The following PLCB1 variants were observed in gnomAD, a reference collection of about 807,000 sequenced individuals.
PLCB1 encodes phospholipase C beta 1.
PLCB1 carries 46 observed loss-of-function variants against 161.8 expected under a neutral mutation model. The observed-to-expected ratio is 0.28, with a 90% CI of 0.22 to 0.36. The LOEUF is 0.36. Among genes scored for constraint, PLCB1 ranks in the 10% least tolerant of loss-of-function variants. The probability of loss-of-function intolerance (pLI) is 1.00; values close to 1 mark genes in which losing one functional copy is unlikely to be tolerated. For synonymous variants in PLCB1, 517 were observed against 503.7 expected (o/e 1.03, Z -0.35); for missense variants, 1,016 against 1,472.5 (o/e 0.69, Z 5.07).
At chr20:8,396,771 C>CAT (rs1455631420) in intron 3 of PLCB1, among the ~76,000 whole-genome samples, 4 of 152,010 alleles carry the variant, frequency 2.6e-5, no homozygotes, top group Non-Finnish European at 4.4e-5. Context: ...TATATATTTG[C>CAT]ATACGTAACA....
chr20:8,398,769 T>A (rs576262907), intron 3 of PLCB1, among the ~76,000 whole-genome samples: 3 of 152,066 alleles, frequency 2.0e-5, no homozygotes, highest in Non-Finnish European at 4.4e-5. Flanking sequence ...ATTTGCACTT[T>A]TTTTTTTTCA....
At chr20:8,417,769 T>G (rs1354001993) in intron 3 of PLCB1, among the ~76,000 whole-genome samples, 1 of 152,234 alleles carries the variant, frequency 6.6e-6, no homozygotes. Flanking sequence ...GCAGAGAATC[T>G]TTAGAGAGAA....
At chr20:8,366,180 GT>G (rs1986706188) in intron 2 of PLCB1, among the ~76,000 whole-genome samples, 4 of 151,982 alleles carry the variant, frequency 2.6e-5, no homozygotes, top group Admixed American at 2.6e-4. Flanking sequence ...CAATACCTCA[GT>G]TTGTTTAAGA....
At chr20:8,133,560 G>A (rs950341740) in intron 1 of PLCB1, among the ~76,000 whole-genome samples, 7 of 152,264 alleles carry the variant, frequency 4.6e-5, no homozygotes, top group East Asian at 3.9e-4. Flanking sequence ...AATGCTTTAC[G>A]AGCGGCCCAG....
At chr20:8,352,423 G>T (rs1455893777) in intron 2 of PLCB1, among the ~76,000 whole-genome samples, 1 of 151,998 alleles carries the variant, frequency 6.6e-6, no homozygotes, top group East Asian at 1.9e-4. Flanking sequence ...CACGTATGAG[G>T]TACTATGCAT....
At chr20:8,458,145 T>C (rs540598788) in intron 3 of PLCB1, among the ~76,000 whole-genome samples, 1 of 152,266 alleles carries the variant, frequency 6.6e-6, no homozygotes, top group Non-Finnish European at 1.5e-5. Context: ...CTTCCTCCGG[T>C]TGATTCTGAG....
intron 2 of PLCB1, among the ~76,000 whole-genome samples, chr20:8,183,999 AT>A (rs964470902): frequency 3.9e-5 from 6 of 152,086 alleles, no homozygotes; most frequent in Non-Finnish European, 5.9e-5. Flanking sequence ...GATTTTCAAT[AT>A]GTTTTTGGGG....
intron 31 of PLCB1, among the ~76,000 whole-genome samples, chr20:8,873,507 G>A (rs1987675975): frequency 1.3e-5 from 2 of 151,786 alleles, no homozygotes; most frequent in Non-Finnish European, 2.9e-5. Flanking sequence ...ATTAGATTTT[G>A]TTTTCATTTT....
intron 31 of PLCB1, among the ~76,000 whole-genome samples, chr20:8,881,340 T>A (rs1987976011): frequency 6.7e-6 from 1 of 148,580 alleles, no homozygotes; most frequent in African/African-American, 2.5e-5. Context: ...TGTGTGTGTG[T>A]GTGTGTGTGT....
At chr20:8,511,148 A>G (rs1475140595) in intron 3 of PLCB1, among the ~76,000 whole-genome samples, 1 of 152,214 alleles carries the variant, frequency 6.6e-6, no homozygotes, top group Admixed American at 6.5e-5. Context: ...AGCCTCTGGT[A>G]ACCACCATTC....
At chr20:8,236,446 T>C (rs1980330597) in intron 2 of PLCB1, among the ~76,000 whole-genome samples, 1 of 152,012 alleles carries the variant, frequency 6.6e-6, no homozygotes, top group African/African-American at 2.4e-5. Context: ...GGCGGGAGGA[T>C]CGCTTGAGCC....
chr20:8,611,918 C>T (rs140250051), intron 3 of PLCB1, among the ~76,000 whole-genome samples: 1,525 of 152,212 alleles, frequency 0.01, 9 homozygotes, highest in Non-Finnish European at 0.017. Flanking sequence ...TGTACTCCAG[C>T]TTGGATGATG....
chr20:8,798,442 C>T (rs552495144), intron 31 of PLCB1, among the ~76,000 whole-genome samples: 1 of 152,114 alleles, frequency 6.6e-6, no homozygotes, highest in Non-Finnish European at 1.5e-5. Context: ...CTATCTGCCC[C>T]GTTCTCAATG....
At chr20:8,380,176 T>TGCACATGGCTAGCCAGTTTTCC (rs1987215790) in intron 3 of PLCB1, among the ~76,000 whole-genome samples, 1 of 152,236 alleles carries the variant, frequency 6.6e-6, no homozygotes, top group Non-Finnish European at 1.5e-5. Flanking sequence ...TTCAGTTTCC[T>TGCACATGGCTAGCCAGTTTTCC]GCACATGGCT....
chr20:8,307,045 C>G (rs1209687035), intron 2 of PLCB1, among the ~76,000 whole-genome samples: 1 of 152,218 alleles, frequency 6.6e-6, no homozygotes, highest in Admixed American at 6.5e-5. Context: ...CTAAGTGTTT[C>G]CAACTGTCAG....
intron 3 of PLCB1, among the ~76,000 whole-genome samples, chr20:8,453,152 A>G (rs974073661): frequency 6.6e-6 from 1 of 152,230 alleles, no homozygotes; most frequent in Non-Finnish European, 1.5e-5. Flanking sequence ...TGCTCATTCC[A>G]AAAACTACTC....
chr20:8,730,678 G>T (rs1350047459), intron 18 of PLCB1, among the ~76,000 whole-genome samples: 1 of 151,296 alleles, frequency 6.6e-6, no homozygotes, highest in African/African-American at 2.4e-5. Flanking sequence ...AAATTTATCT[G>T]ACAAAAACTG....
intron 3 of PLCB1, among the ~76,000 whole-genome samples, chr20:8,479,130 TTTAATGTC>T (rs1328092769): frequency 6.6e-6 from 1 of 152,204 alleles, no homozygotes; most frequent in Non-Finnish European, 1.5e-5. Context: ...TACATATTTG[TTTAATGTC>T]TTATTTTTTA....
chr20:8,582,655 A>G (rs1282946390), intron 3 of PLCB1, among the ~76,000 whole-genome samples: 2 of 152,186 alleles, frequency 1.3e-5, no homozygotes, highest in Admixed American at 6.5e-5. Context: ...GATAAACAAA[A>G]TGGAGTATAT....
Sources: allele counts gnomAD v4.1 joint callset (sites outside exome capture counted in the v4.1 genomes callset), GRCh38; gene constraint gnomAD v4.1.1; transcripts MANE v1.5; gene names NCBI Gene and HGNC (gene_info 2026-07-23, HGNC 2026-07-21).